The following SLC1A1 variants were observed in gnomAD, a reference collection of about 807,000 sequenced individuals.
SLC1A1 encodes excitatory amino acid transporter 3.
A neutral mutation model predicts 53.3 loss-of-function variants in SLC1A1; 43 were observed. The observed-to-expected ratio is 0.81, with a 90% CI of 0.63 to 1.04. The LOEUF (loss-of-function observed/expected upper bound fraction) is 1.04. Among genes scored for constraint, SLC1A1 ranks in the 50% least tolerant of loss-of-function variants. The pLI, the probability that SLC1A1 is intolerant of heterozygous loss-of-function variation, is 0.00. For synonymous variants in SLC1A1, 307 were observed against 243.2 expected (o/e 1.26, Z -2.44); for missense variants, 748 against 664.9 (o/e 1.12, Z -1.37).
In SLC1A1 at chr9:4,549,713, C is replaced by G. The variant is rs937851023; in HGVS notation, c.232+5006C>G. Among the ~76,000 whole-genome samples, 3 of 152,150 alleles carry G rather than the reference C, an allele frequency of 2.0e-5. No homozygotes were observed. Among genetic ancestry groups the G allele is most frequent in the Non-Finnish European group, 2.9e-5 (2 of 68,030 alleles). ...GTGGAATATCCACTTCAGAGAAAACCCCCCTCACGGCCACAGGGGGATAGC... is the reference window on the plus strand; with the variant it reads ...GTGGAATATCCACTTCAGAGAAAACGCCCCTCACGGCCACAGGGGGATAGC... On this transcript the variant is annotated intron_variant, in intron 2 of 11. Coordinates refer to ENST00000262352, the MANE Select transcript of SLC1A1 (RefSeq NM_004170.6). The surrounding 1 kb of genome is among the most constrained non-coding windows in gnomAD (Gnocchi z 4.1).
At chr9:4,537,905 A>G (rs1816738969) in intron 1 of SLC1A1, among the ~76,000 whole-genome samples, 1 of 152,102 alleles carries the variant, frequency 6.6e-6, no homozygotes, top group Admixed American at 6.5e-5. Flanking sequence ...TAAAATGGTA[A>G]ATTTTATGTT....
intron 1 of SLC1A1, among the ~76,000 whole-genome samples, chr9:4,527,338 T>C (rs1330615474): frequency 6.6e-6 from 1 of 152,146 alleles, no homozygotes; most frequent in African/African-American, 2.4e-5. Context: ...AATTTTGAAA[T>C]ATTACCCGTG....
intron 3 of SLC1A1, among the ~76,000 whole-genome samples, chr9:4,564,091 A>T (rs1586807068): frequency 7.9e-6 from 1 of 126,914 alleles, no homozygotes; most frequent in East Asian, 2.1e-4. Flanking sequence ...TTTAAAACAC[A>T]CATACACACA....
chr9:4,529,924 T>C (rs1816404335), intron 1 of SLC1A1, among the ~76,000 whole-genome samples: 2 of 152,198 alleles, frequency 1.3e-5, no homozygotes, highest in Non-Finnish European at 2.9e-5. Context: ...ACCTGTAAGA[T>C]ACATGCCTTG....
chr9:4,576,871 T>C, intron 10 of SLC1A1, 108 bp downstream of exon 10: 2 of 1,036,226 alleles, frequency 1.9e-6, no homozygotes, highest in East Asian at 4.8e-5. Context: ...ATTCTTTTTC[T>C]TGATCTATAA....
At position 4,585,848 on chromosome 9, in the gene SLC1A1, G is replaced by C. The variant is rs1821532414; in HGVS notation, c.*290G>C. ...GAAGTACATAAAGTAATAACTGTTA[G>C]AATTAGGTAATGGATATGAAAGAGA... On this transcript the variant is annotated 3_prime_UTR_variant, in exon 12 of 12. Coordinates refer to ENST00000262352, the MANE Select transcript of SLC1A1 (RefSeq NM_004170.6). 2 of 408,256 alleles carry C rather than the reference G, an allele frequency of 4.9e-6. No individual in the cohort carries two copies. Among genetic ancestry groups the C allele is most frequent in the East Asian group, 1.0e-4 (2 of 20,056 alleles). 25.3% of individuals were successfully genotyped at this position (408,256 alleles called of 1,614,324 possible).
At chr9:4,578,382 C>T (rs186355568) in intron 10 of SLC1A1, among the ~76,000 whole-genome samples, 158 of 152,298 alleles carry the variant, frequency 1.0e-3, no homozygotes, top group African/African-American at 3.7e-3. Context: ...ATGTTTATAA[C>T]TGTGCCTATG....
At chr9:4,570,680 C>A (rs2129758682) in intron 6 of SLC1A1, among the ~76,000 whole-genome samples, 1 of 152,142 alleles carries the variant, frequency 6.6e-6, no homozygotes, top group South Asian at 2.1e-4. Flanking sequence ...TAACATAATT[C>A]TTTATAAACA....
At chr9:4,528,974 T>C (rs778097671) in intron 1 of SLC1A1, among the ~76,000 whole-genome samples, 15 of 152,126 alleles carry the variant, frequency 9.9e-5, no homozygotes, top group Non-Finnish European at 1.6e-4. Context: ...ATCCACCCTG[T>C]TACCCAAGCT....
chr9:4,540,581 G>A (rs903772231), intron 1 of SLC1A1, among the ~76,000 whole-genome samples: 3 of 152,176 alleles, frequency 2.0e-5, no homozygotes, highest in East Asian at 1.9e-4. Context: ...GACTCTGCAC[G>A]GAGTTCACTC....
chr9:4,576,677 G>A lies in SLC1A1; in HGVS notation c.1107G>A (p.Gly369=), dbSNP rs1820575259. The A allele has an allele frequency of 6.2e-7, 1 of 1,614,060 alleles. No homozygotes were observed. The highest frequency in any genetic ancestry group is 1.3e-5 in the African/African-American group (1 of 74,938). ...TTGGTGCAACAATCAACATGGATGG[G>A]ACTGCGCTCTATGAAGCAGTGGCAG... The part of the protein sequence containing the change: ...LPVGATINMD[G]TALYEAVAAV... Residue 369 remains glycine (G), a synonymous_variant, in exon 10 of 12, where the codon GGG becomes GGA. Coordinates refer to ENST00000262352, the MANE Select transcript of SLC1A1 (RefSeq NM_004170.6).
chr9:4,518,134 G>A (rs1298798835), intron 1 of SLC1A1, among the ~76,000 whole-genome samples: 1 of 150,374 alleles, frequency 6.7e-6, no homozygotes, highest in African/African-American at 2.4e-5. Context: ...TACTCAGGAG[G>A]CTGAGGCAGG....
intron 3 of SLC1A1, among the ~76,000 whole-genome samples, chr9:4,562,197 G>T (rs548393473): frequency 1.3e-5 from 2 of 150,212 alleles, no homozygotes; most frequent in African/African-American, 4.9e-5. Context: ...TCAGCCTCCC[G>T]AGTAGCTGGG....
intron 1 of SLC1A1, among the ~76,000 whole-genome samples, chr9:4,537,376 G>A (rs1186355635): frequency 3.0e-5 from 3 of 101,414 alleles, no homozygotes; most frequent in African/African-American, 1.1e-4. Flanking sequence ...TGGCTAACAA[G>A]GTGAAACCCC....
At chr9:4,570,163 T>G (rs1200396451) in intron 6 of SLC1A1, among the ~76,000 whole-genome samples, 1 of 152,194 alleles carries the variant, frequency 6.6e-6, no homozygotes, top group African/African-American at 2.4e-5. Context: ...GTCCCACTCT[T>G]CATATGACGC....
At chr9:4,544,957 C>A (rs576464397) in intron 2 of SLC1A1, among the ~76,000 whole-genome samples, 2 of 152,272 alleles carry the variant, frequency 1.3e-5, no homozygotes, top group African/African-American at 4.8e-5. Context: ...ACCATAAGAT[C>A]TCGTGAGAAC....
intron 1 of SLC1A1, among the ~76,000 whole-genome samples, chr9:4,520,769 G>A (rs953001230): frequency 1.1e-4 from 17 of 152,144 alleles, no homozygotes; most frequent in Non-Finnish European, 2.1e-4. Context: ...CAATTCCAGA[G>A]GCTATATATC....
chr9:4,498,708 C>T (rs1228939690), intron 1 of SLC1A1, among the ~76,000 whole-genome samples: 3 of 149,396 alleles, frequency 2.0e-5, no homozygotes, highest in African/African-American at 7.3e-5. Flanking sequence ...ATGCCACAGA[C>T]ATGACAATAT....
chr9:4,569,939 A>C (rs1197047784), intron 6 of SLC1A1, among the ~76,000 whole-genome samples: 2 of 152,212 alleles, frequency 1.3e-5, no homozygotes, highest in African/African-American at 4.8e-5. Flanking sequence ...GAGTATTATA[A>C]TCAGGAAGAA....
Sources: allele counts gnomAD v4.1 joint callset (sites outside exome capture counted in the v4.1 genomes callset), GRCh38; gene constraint gnomAD v4.1.1; non-coding constraint Gnocchi (gnomAD v3.1); transcripts MANE v1.5; gene names NCBI Gene and HGNC (gene_info 2026-07-23, HGNC 2026-07-21).